Variants in SDK1 observed in about 807,000 individuals in gnomAD.
SDK1 encodes the protein sidekick cell adhesion molecule 1.
A neutral mutation model predicts 245.5 loss-of-function variants in SDK1; 157 were observed. That is an observed-to-expected ratio of 0.64 (90% confidence interval 0.56 to 0.73). The LOEUF is 0.73. SDK1 is among the 30% of genes least tolerant of loss of function. The probability of loss-of-function intolerance (pLI) is 0.00; values close to 1 mark genes in which losing one functional copy is unlikely to be tolerated. For missense variants in SDK1, 3,583 were observed against 3,002.3 expected (o/e 1.19, Z -4.52); for synonymous variants, 1,647 against 1,278.5 (o/e 1.29, Z -6.15).
intron 5 of SDK1, among the ~76,000 whole-genome samples, chr7:3,869,360 T>C (rs1780902558): frequency 6.6e-6 from 1 of 152,074 alleles, no homozygotes. Flanking sequence ...TTCACCATGT[T>C]AGCCAGGCTG....
chr7:3,844,499 C>G (rs1057380859), intron 5 of SDK1, among the ~76,000 whole-genome samples: 1 of 152,216 alleles, frequency 6.6e-6, no homozygotes. Flanking sequence ...TCCCAGGGAA[C>G]TGTCGAGCTG....
intron 5 of SDK1, among the ~76,000 whole-genome samples, chr7:3,915,302 G>A (rs1249417007): frequency 6.6e-6 from 1 of 152,162 alleles, no homozygotes. Flanking sequence ...GACCCCTGAA[G>A]AGCATGTACC....
At chr7:3,346,807 G>GTATA (rs778210658) in intron 1 of SDK1, among the ~76,000 whole-genome samples, 29 of 42,224 alleles carry the variant, frequency 6.9e-4, no homozygotes, top group Middle Eastern at 0.018. Context: ...GTGTGTGTGT[G>GTATA]TATATATATA....
intron 35 of SDK1, among the ~76,000 whole-genome samples, chr7:4,179,744 G>A (rs1584383502): frequency 1.3e-5 from 2 of 152,060 alleles, no homozygotes; most frequent in Middle Eastern, 3.4e-3. Context: ...GTCAGAGAGG[G>A]GTGCCAGGGT....
chr7:3,574,316 C>A (rs367995209), intron 1 of SDK1, among the ~76,000 whole-genome samples: 1 of 151,866 alleles, frequency 6.6e-6, no homozygotes, highest in East Asian at 1.9e-4. Flanking sequence ...CAGGGTTTCA[C>A]CATGTTGGCC....
intron 1 of SDK1, among the ~76,000 whole-genome samples, chr7:3,349,639 G>C (rs931396065): frequency 6.6e-6 from 1 of 152,066 alleles, no homozygotes; most frequent in African/African-American, 2.4e-5. Context: ...TGGCTCGGTC[G>C]CCCAGGCTGC....
intron 35 of SDK1, among the ~76,000 whole-genome samples, chr7:4,191,597 C>T (rs956863586): frequency 8.5e-5 from 13 of 152,250 alleles, no homozygotes; most frequent in Non-Finnish European, 1.6e-4. Context: ...CCCTGAGGTA[C>T]GGGCCTGCCC....
intron 1 of SDK1, among the ~76,000 whole-genome samples, chr7:3,439,250 A>C (rs991420437): frequency 6.6e-6 from 1 of 152,148 alleles, no homozygotes. Context: ...TAGATAAATA[A>C]ACTCTTTTAT....
chr7:3,552,919 T>C (rs925558242), intron 1 of SDK1, among the ~76,000 whole-genome samples: 5 of 152,242 alleles, frequency 3.3e-5, no homozygotes, highest in Admixed American at 3.3e-4. Flanking sequence ...GCAGAAGATA[T>C]TTAAATCAGT....
intron 13 of SDK1, among the ~76,000 whole-genome samples, chr7:3,983,433 C>T (rs1295919113): frequency 6.6e-6 from 1 of 152,174 alleles, no homozygotes; most frequent in Non-Finnish European, 1.5e-5. Context: ...GGACCCTCCA[C>T]CAGCAAAAAG....
At chr7:3,335,100 C>T (rs1049765145) in intron 1 of SDK1, among the ~76,000 whole-genome samples, 2 of 152,188 alleles carry the variant, frequency 1.3e-5, no homozygotes, top group African/African-American at 2.4e-5. Context: ...TTCCAGGCCA[C>T]CATCATCACT....
rs1562579876 is a variant in SDK1 at position 3,582,379 on chromosome 7, T to TCTCAGGTAGGTCTCC, written c.299-36672_299-36658dup. On this transcript the variant is annotated intron_variant, in intron 1 of 44. Coordinates refer to ENST00000404826, the MANE Select transcript of SDK1 (RefSeq NM_152744.4). ...GGTAGGTCTGTCTCAGGTAGGTCTG[T>TCTCAGGTAGGTCTCC]CTCAGGTAGGTCTCCCTCAGGTAGG... Among the ~76,000 whole-genome samples, 12 of 141,766 alleles carry TCTCAGGTAGGTCTCC rather than the reference T, an allele frequency of 8.5e-5. No homozygotes were observed. The South Asian group carries it at 1.9e-3, about 22-fold the overall frequency. 93.0% of individuals were successfully genotyped at this position (141,766 alleles called of 152,430 possible). A position where few individuals can be genotyped will look rare whatever the true frequency, so the allele number is the denominator to read the frequency against.
Position 3,301,883 on chromosome 7 carries a change from A to C in SDK1, c.297A>C (p.Gln99His). The change falls in exon 1 of 45, where the codon CAA (glutamine) becomes CAC (histidine). Residue 99 changes from glutamine to histidine, a missense_variant and splice_region_variant. Physicochemically the swap from Gln to His is conservative, Grantham distance 24. Transcript: ENST00000404826. ...LQLHLLRALA[Q>H]DDVAPYFKTE... ...TGCACTTGCTCCGGGCGCTGGCGCA[A>C]GGTAGGTGCGCGCGGGGTCGCGGGC... 1.8e-6 allele frequency: 2 copies of C among 1,129,966 alleles called. No individual in the cohort carries two copies. The highest frequency in any genetic ancestry group is 2.2e-6 in the Non-Finnish European group (2 of 923,236). The allele number at this position is 1,129,966 out of a possible 1,614,324, so 70.0% of individuals were successfully genotyped here. A position where few individuals can be genotyped will look rare whatever the true frequency, so the allele number is the denominator to read the frequency against.
chr7:3,381,822 G>C (rs1379905828), intron 1 of SDK1, among the ~76,000 whole-genome samples: 2 of 152,154 alleles, frequency 1.3e-5, no homozygotes, highest in African/African-American at 2.4e-5. Flanking sequence ...CATGGTTAGA[G>C]AACCTGAATT....
intron 5 of SDK1, among the ~76,000 whole-genome samples, chr7:3,847,646 G>C (rs1780313325): frequency 6.6e-6 from 1 of 152,170 alleles, no homozygotes; most frequent in East Asian, 1.9e-4. Context: ...TTTTGCTACT[G>C]TTTATCCTAA....
intron 25 of SDK1, among the ~76,000 whole-genome samples, chr7:4,117,781 A>C (rs1783805571): frequency 6.6e-6 from 1 of 152,194 alleles, no homozygotes; most frequent in African/African-American, 2.4e-5. Flanking sequence ...CAGTAACATG[A>C]GAGTCAGCTT....
In SDK1 at chr7:3,434,428, G is replaced by T. The variant is rs551840552; in HGVS notation, c.298+132544G>T. On this transcript the variant is annotated intron_variant, in intron 1 of 44. Transcript: ENST00000404826. ...CTACGCCACTGTGGTTTACCCTGAG[G>T]AAGTTTGCGTAGCTCGCGTGCCAAC... 2.1e-4 allele frequency among the ~76,000 whole-genome samples: 32 copies of T among 152,320 alleles called. 1 individual carries two copies. In the South Asian group the frequency reaches 6.4e-3, roughly 31 times the overall value.
chr7:3,761,576 A>G (rs988740506), intron 4 of SDK1, among the ~76,000 whole-genome samples: 13 of 151,394 alleles, frequency 8.6e-5, no homozygotes, highest in African/African-American at 3.2e-4. Context: ...AATAATAATA[A>G]TAGGCCTAAT....
At chr7:4,058,039 C>G (rs992872739) in intron 19 of SDK1, among the ~76,000 whole-genome samples, 3 of 151,848 alleles carry the variant, frequency 2.0e-5, no homozygotes, top group Non-Finnish European at 4.4e-5. Context: ...CATGGTAATT[C>G]TCTAGCAACA....
Sources: gnomAD v4.1 joint callset for allele counts (sites outside exome capture counted in the v4.1 genomes callset) on GRCh38, gnomAD v4.1.1 for gene constraint, MANE v1.5 for transcripts, NCBI Gene and HGNC (gene_info 2026-07-23, HGNC 2026-07-21) for gene names.